The following ZER1 variants were observed in gnomAD, a reference collection of about 807,000 sequenced individuals.
The protein encoded by ZER1 is zyg-11 related cell cycle regulator.
ZER1 carries 11 observed loss-of-function variants against 78.8 expected under a neutral mutation model. The observed-to-expected ratio is 0.14, with a 90% confidence interval of 0.09 to 0.23. ZER1 has a LOEUF of 0.23. ZER1 is among the 10% of genes least tolerant of loss of function. The pLI is 1.00. For missense variants in ZER1, 588 were observed against 996.9 expected, an observed-to-expected ratio of 0.59 and a Z score of 5.52; for synonymous variants, 400 against 407.0, an observed-to-expected ratio of 0.98 and a Z score of 0.21.
In ZER1 at chr9:128,750,700, C is replaced by T; in HGVS notation, c.1275G>A (p.Glu425=). 6.2e-7 allele frequency: 1 copy of T among 1,614,208 alleles called. No individual in the cohort carries two copies. The highest frequency in any genetic ancestry group is 8.5e-7 in the Non-Finnish European group (1 of 1,180,040). The part of the protein sequence containing the change: ...SAALFYLTNS[E]YRSEQSVKLR... Reference sequence around the variant, plus strand: ...GCTTCACACTCTGCTCTGAGCGGTACTCGGAATTTGTTAGGTAGAAGAGAG... The same window carrying T: ...GCTTCACACTCTGCTCTGAGCGGTATTCGGAATTTGTTAGGTAGAAGAGAG... The change falls in exon 8 of 16, where the codon GAG becomes GAA. Residue 425 remains glutamate (E), a synonymous_variant. Coordinates refer to ENST00000291900, the MANE Select transcript of ZER1 (RefSeq NM_006336.4).
Position 128,754,021 on chromosome 9 carries a change from G to C in ZER1, c.159-62C>G. ...CAGGGACTCTCATCCTCGCTTCAAA[G>C]CCAAGCCCTCCTCCCCCTGAAGCTT... On this transcript the variant is annotated intron_variant, in intron 2 of 15. Coordinates refer to ENST00000291900, the MANE Select transcript of ZER1 (RefSeq NM_006336.4). This position sits in a 1 kb window ranked among gnomAD's most constrained non-coding sequence, Gnocchi z 4.3. The C allele has an allele frequency of 6.5e-7, 1 of 1,532,416 alleles. No homozygotes were observed. The highest frequency in any genetic ancestry group is 8.8e-7 in the Non-Finnish European group (1 of 1,135,170). The allele number at this position is 1,532,416 out of a possible 1,614,324, so 94.9% of individuals were successfully genotyped here.
At chr9:128,769,797 G>C (rs1864327478) in intron 1 of ZER1, among the ~76,000 whole-genome samples, 1 of 152,090 alleles carries the variant, frequency 6.6e-6, no homozygotes, top group Non-Finnish European at 1.5e-5. Context: ...AACTTAACTT[G>C]ATTTAATCGC....
At chr9:128,761,770 A>C (rs1382938643) in intron 1 of ZER1, among the ~76,000 whole-genome samples, 3 of 150,794 alleles carry the variant, frequency 2.0e-5, no homozygotes, top group African/African-American at 7.3e-5. Context: ...ACGCTCGGCT[A>C]ATTTTTTGTA....
Position 128,731,097 on chromosome 9 carries a change from G to A in ZER1, c.*240C>T, listed in dbSNP as rs764536455. 3.1e-5 allele frequency: 6 copies of A among 194,674 alleles called. No homozygotes were observed. The highest frequency in any genetic ancestry group is 6.1e-5 in the Non-Finnish European group (6 of 98,698). The allele number at this position is 194,674 out of a possible 1,614,324, so 12.1% of individuals were successfully genotyped here. A position where few individuals can be genotyped will look rare whatever the true frequency, so the allele number is the denominator to read the frequency against. ...GCAAGGACTCAGGAGTGTTGCTTTT[G>A]TTTTTGCACAGAAATCATACACACA... On this transcript the variant is annotated 3_prime_UTR_variant, in exon 16 of 16. Transcript: ENST00000291900.
intron 1 of ZER1, among the ~76,000 whole-genome samples, chr9:128,767,607 CAA>C (rs969748551): frequency 1.3e-5 from 2 of 152,076 alleles, no homozygotes; most frequent in Non-Finnish European, 2.9e-5. Context: ...GATAAGGAAA[CAA>C]TGGTTGAAAG....
chr9:128,740,245 A>G lies in ZER1; in HGVS notation c.1854-126T>C. On this transcript the variant is annotated intron_variant, in intron 12 of 15. Coordinates refer to ENST00000291900, the MANE Select transcript of ZER1 (RefSeq NM_006336.4). The surrounding 1 kb of genome is among the most constrained non-coding windows in gnomAD (Gnocchi z 4.4). ...CTTATTTCTTTATCCCATATCGTCT[A>G]TATACCCAGACTACTTCTAAAGGGA... is the stretch of plus-strand genomic sequence containing the variant. 1.1e-6 allele frequency: 1 copy of G among 942,362 alleles called. No individual in the cohort carries two copies. The highest frequency in any genetic ancestry group is 2.7e-5 in the East Asian group (1 of 37,424). 58.4% of individuals were successfully genotyped at this position (942,362 alleles called of 1,614,324 possible). A position where few individuals can be genotyped will look rare whatever the true frequency, so the allele number is the denominator to read the frequency against.
At chr9:128,736,913 G>C (rs147301713) in intron 13 of ZER1, among the ~76,000 whole-genome samples, 2 of 151,984 alleles carry the variant, frequency 1.3e-5, no homozygotes, top group African/African-American at 2.4e-5. Flanking sequence ...GGAGGCTGAG[G>C]GGGGTGGATT....
At chr9:128,734,162 T>A (rs868584878) in intron 14 of ZER1, among the ~76,000 whole-genome samples, 7 of 63,460 alleles carry the variant, frequency 1.1e-4, no homozygotes, top group African/African-American at 3.1e-4. Flanking sequence ...TATATATATA[T>A]AAAATCTTAA....
At chr9:128,768,412 A>G (rs1222240037) in intron 1 of ZER1, among the ~76,000 whole-genome samples, 1 of 152,160 alleles carries the variant, frequency 6.6e-6, no homozygotes, top group African/African-American at 2.4e-5. Context: ...TCATCCTCCC[A>G]ACAGCCTTTA....
intron 1 of ZER1, among the ~76,000 whole-genome samples, chr9:128,764,038 G>C (rs146081315): frequency 1.3e-5 from 2 of 152,110 alleles, no homozygotes; most frequent in African/African-American, 4.8e-5. Context: ...ATAAGTCCTA[G>C]TTAACTCTGG....
intron 1 of ZER1, among the ~76,000 whole-genome samples, chr9:128,761,603 GTTTTTTTT>G (rs1180495331): frequency 9.3e-6 from 1 of 107,370 alleles, no homozygotes; most frequent in South Asian, 3.2e-4. Flanking sequence ...CCCATAATTT[GTTTTTTTT>G]TTTTTTTTTT....
At position 128,755,457 on chromosome 9, in the gene ZER1, G is replaced by A. The variant is rs1307856960; in HGVS notation, c.109C>T (p.His37Tyr). The A allele has an allele frequency of 1.9e-6, 3 of 1,613,940 alleles. No homozygotes were observed. Among genetic ancestry groups the A allele is most frequent in the African/African-American group, 2.7e-5 (2 of 74,884 alleles). ...YLLDKETLRL[H>Y]PDIFLPSEIC... ...TCGCTGGGCAAGAAGATGTCCGGAT[G>A]TAGCCGCAGGGTCTCCTTGTCCAGC... Residue 37 changes from histidine (H) to tyrosine (Y), a missense_variant, in exon 2 of 16, where the codon CAT becomes TAT. By Grantham distance (83) the His-to-Tyr change is moderately conservative. Coordinates refer to ENST00000291900, the MANE Select transcript of ZER1 (RefSeq NM_006336.4). The surrounding 1 kb of genome is among the most constrained non-coding windows in gnomAD (Gnocchi z 5.6).
At chr9:128,752,197 C>A (rs935891983) in intron 5 of ZER1, among the ~76,000 whole-genome samples, 2 of 152,190 alleles carry the variant, frequency 1.3e-5, no homozygotes, top group Non-Finnish European at 2.9e-5. Flanking sequence ...ATTGCCCCTA[C>A]CATAGCCCTT....
chr9:128,747,435 G>T (rs1391945744), intron 8 of ZER1, among the ~76,000 whole-genome samples: 5 of 152,158 alleles, frequency 3.3e-5, no homozygotes, highest in Non-Finnish European at 7.4e-5. Context: ...CCACACAGTG[G>T]CCTCTCCCTG....
Position 128,741,582 on chromosome 9 carries a change from T to C in ZER1, c.1690A>G (p.Met564Val). Residue 564 changes from methionine to valine, a missense_variant, in exon 11 of 16, where the codon ATG (methionine) becomes GTG (valine). This residue lies in a region of ZER1 where 60 missense variants were observed against 163.3 expected (regional missense o/e 0.37). Coordinates refer to ENST00000291900, the MANE Select transcript of ZER1 (RefSeq NM_006336.4). ...ITDETPDNCEMFLNFNGMKLF... is the reference protein window; with the variant it reads ...ITDETPDNCEVFLNFNGMKLF... The stretch of plus-strand genomic sequence containing the variant: ...TTCATGCCGTTGAAATTGAGGAACA[T>C]CTCGCAGTTGTCAGGAGTTTCATCT... 1 of 1,614,120 alleles carries C rather than the reference T, an allele frequency of 6.2e-7. No individual in the cohort carries two copies. The highest frequency in any genetic ancestry group is 8.5e-7 in the Non-Finnish European group (1 of 1,180,018).
chr9:128,746,350 C>T (rs899029922), intron 8 of ZER1, among the ~76,000 whole-genome samples: 1 of 152,014 alleles, frequency 6.6e-6, no homozygotes, highest in African/African-American at 2.4e-5. Context: ...TATCACCAAG[C>T]TCTTGAGATG....
chr9:128,753,212 T>C lies in ZER1; in HGVS notation c.698A>G (p.Asp233Gly), dbSNP rs1863741337. ...GACCCGGATGTGGTCGTCGGACAGGTCCATGTTGTAGAGGACGAGGGACAC... is the reference window on the plus strand; with the variant it reads ...GACCCGGATGTGGTCGTCGGACAGGCCCATGTTGTAGAGGACGAGGGACAC... ...SLVSLVLYNM[D>G]LSDDHIRVIV... Residue 233 changes from aspartate to glycine, a missense_variant, in exon 4 of 16, where the codon GAC becomes GGC. By Grantham distance (94) the Asp-to-Gly change is moderately conservative. This residue lies in a region of ZER1 where 406 missense variants were observed against 660.1 expected (regional missense o/e 0.62). Transcript: ENST00000291900. This position sits in a 1 kb window ranked among gnomAD's most constrained non-coding sequence, Gnocchi z 7.5. 4 of 1,580,716 alleles carry C rather than the reference T, an allele frequency of 2.5e-6. No individual in the cohort carries two copies. Among genetic ancestry groups the C allele is most frequent in the Non-Finnish European group, 2.6e-6 (3 of 1,163,686 alleles).
chr9:128,740,026 C>G lies in ZER1; in HGVS notation c.1947G>C (p.Trp649Cys). 1 of 1,614,094 alleles carries G rather than the reference C, an allele frequency of 6.2e-7. No homozygotes were observed. The highest frequency in any genetic ancestry group is 8.5e-7 in the Non-Finnish European group (1 of 1,179,988). Reference sequence around the variant, plus strand: ...CCTCACGCTGGGGCTCACAGACGCCCCAGGCCTCGGGTCCATCAAACATGA... The same window carrying G: ...CCTCACGCTGGGGCTCACAGACGCCGCAGGCCTCGGGTCCATCAAACATGA... ...SHIMFDGPEAWGVCEPQREEV... is the reference protein window; with the variant it reads ...SHIMFDGPEACGVCEPQREEV... Residue 649 changes from tryptophan (W) to cysteine (C), a missense_variant, in exon 13 of 16, where the codon TGG becomes TGC. Coordinates refer to ENST00000291900, the MANE Select transcript of ZER1 (RefSeq NM_006336.4). This position sits in a 1 kb window ranked among gnomAD's most constrained non-coding sequence, Gnocchi z 4.4.
intron 1 of ZER1, among the ~76,000 whole-genome samples, chr9:128,762,281 C>T (rs1864076292): frequency 6.6e-6 from 1 of 152,130 alleles, no homozygotes; most frequent in Non-Finnish European, 1.5e-5. Flanking sequence ...CTGGGAGCCT[C>T]CCTCTGTGCC....
Sources: allele counts gnomAD v4.1 joint callset (sites outside exome capture counted in the v4.1 genomes callset), GRCh38; gene constraint gnomAD v4.1.1; regional missense constraint gnomAD v4.1.1; non-coding constraint Gnocchi (gnomAD v3.1); transcripts MANE v1.5; gene names NCBI Gene and HGNC (gene_info 2026-07-23, HGNC 2026-07-21).